Variants in RXFP1 observed in about 807,000 individuals in gnomAD.
The protein encoded by RXFP1 is relaxin receptor 1.
Under a neutral mutation model 89.8 loss-of-function variants are expected in RXFP1, and 73 were observed. The observed-to-expected ratio is 0.81, with a 90% CI of 0.67 to 0.99. The LOEUF is 0.99. Ranked by LOEUF, RXFP1 falls within the 50% of genes least tolerant of loss-of-function variation. The pLI is 0.00. For synonymous variants in RXFP1, 277 were observed against 305.5 expected (o/e 0.91, Z 0.97); for missense variants, 793 against 895.5 (o/e 0.89, Z 1.46).
chr4:158,564,220 T>C (rs1753097416), intron 1 of RXFP1, among the ~76,000 whole-genome samples: 3 of 152,162 alleles, frequency 2.0e-5, no homozygotes, highest in African/African-American at 4.8e-5. Flanking sequence ...TATGTTTTCA[T>C]ATTTTACCCC....
At chr4:158,574,982 C>T (rs1315229186) in intron 2 of RXFP1, among the ~76,000 whole-genome samples, 3 of 152,098 alleles carry the variant, frequency 2.0e-5, no homozygotes, top group Non-Finnish European at 4.4e-5. Context: ...GTCAGTTCCC[C>T]GTCGACCTGC....
intron 1 of RXFP1, among the ~76,000 whole-genome samples, chr4:158,572,224 A>G (rs996896853): frequency 2.0e-5 from 3 of 151,656 alleles, no homozygotes; most frequent in African/African-American, 7.3e-5. Flanking sequence ...TCCTTAACCT[A>G]CTCCACGTGT....
intron 9 of RXFP1, among the ~76,000 whole-genome samples, chr4:158,626,375 A>G (rs184875480): frequency 3.3e-4 from 50 of 152,270 alleles, no homozygotes; most frequent in African/African-American, 1.2e-3. Flanking sequence ...TTGTTTTGGC[A>G]GCAGCAGCTT....
At chr4:158,587,852 AACATGATGGGT>A (rs1758594330) in intron 2 of RXFP1, among the ~76,000 whole-genome samples, 2 of 152,208 alleles carry the variant, frequency 1.3e-5, no homozygotes, top group African/African-American at 4.8e-5. Context: ...CACCTAGCAC[AACATGATGGGT>A]ACTTGCTAAA....
At chr4:158,642,505 G>A (rs961946167) in intron 14 of RXFP1, among the ~76,000 whole-genome samples, 2 of 152,018 alleles carry the variant, frequency 1.3e-5, no homozygotes, top group African/African-American at 4.8e-5. Flanking sequence ...CTGTAAGATC[G>A]ACATTTTTAG....
chr4:158,559,203 G>T (rs1579601682), intron 1 of RXFP1, among the ~76,000 whole-genome samples: 1 of 152,202 alleles, frequency 6.6e-6, no homozygotes, highest in African/African-American at 2.4e-5. Context: ...CACTTTGGGA[G>T]AACAAGGCAG....
chr4:158,619,018 A>C (rs1249810053), intron 9 of RXFP1, among the ~76,000 whole-genome samples: 1 of 152,158 alleles, frequency 6.6e-6, no homozygotes, highest in African/African-American at 2.4e-5. Flanking sequence ...AAAATATAGA[A>C]GACGATGGGA....
intron 1 of RXFP1, among the ~76,000 whole-genome samples, chr4:158,558,970 T>C (rs554855498): frequency 1.3e-5 from 2 of 152,352 alleles, no homozygotes; most frequent in Non-Finnish European, 1.5e-5. Context: ...GAAATCTCAC[T>C]CTTCATTTAA....
At chr4:158,619,765 G>A (rs1765255541) in intron 9 of RXFP1, among the ~76,000 whole-genome samples, 1 of 152,024 alleles carries the variant, frequency 6.6e-6, no homozygotes, top group Admixed American at 6.6e-5. Flanking sequence ...ACCAGGCAAA[G>A]GTCCATTACT....
intron 1 of RXFP1, among the ~76,000 whole-genome samples, chr4:158,537,985 A>G (rs1253969504): frequency 5.3e-5 from 8 of 152,180 alleles, no homozygotes; most frequent in Non-Finnish European, 7.3e-5. Context: ...GGAAAGAACA[A>G]TGCAGGCACT....
intron 9 of RXFP1, among the ~76,000 whole-genome samples, chr4:158,618,285 G>A (rs1463768791): frequency 6.6e-6 from 1 of 151,936 alleles, no homozygotes; most frequent in Non-Finnish European, 1.5e-5. Context: ...TACATAATTA[G>A]CAATTAAAAT....
Position 158,565,244 on chromosome 4 carries a change from T to C in RXFP1, c.50-7454T>C, listed in dbSNP as rs116650039. On this transcript the variant is annotated intron_variant, in intron 1 of 17. Transcript: ENST00000307765. ...GTCAGGAAAGGGAGTAACAGATATG[T>C]AAAGGGAGAAAATTAGACTGAGCCT... 6.5e-3 allele frequency among the ~76,000 whole-genome samples: 983 copies of C among 152,252 alleles called. 7 individuals are homozygous for C. The highest frequency in any genetic ancestry group is 0.011 in the Non-Finnish European group (747 of 68,008).
At chr4:158,563,910 TATAAC>T (rs1016998535) in intron 1 of RXFP1, among the ~76,000 whole-genome samples, 8 of 148,350 alleles carry the variant, frequency 5.4e-5, no homozygotes, top group African/African-American at 1.5e-4. Flanking sequence ...ATATTATATA[TATAAC>T]ATAACATAAT....
At chr4:158,546,368 T>C (rs1258738533) in intron 1 of RXFP1, among the ~76,000 whole-genome samples, 1 of 152,188 alleles carries the variant, frequency 6.6e-6, no homozygotes, top group Non-Finnish European at 1.5e-5. Context: ...AATGGGGTTT[T>C]CTAGGTATAT....
At chr4:158,607,060 A>C (rs779626803) in intron 5 of RXFP1, 1 of 1,535,858 alleles carries the variant, frequency 6.5e-7, no homozygotes, top group South Asian at 1.2e-5. Flanking sequence ...CACTCTAAAG[A>C]ACAATGGTGA....
At chr4:158,606,122 T>C (rs1323764954) in intron 5 of RXFP1, among the ~76,000 whole-genome samples, 1 of 152,218 alleles carries the variant, frequency 6.6e-6, no homozygotes, top group Non-Finnish European at 1.5e-5. Context: ...CTTTTCACAA[T>C]TAGGCCTGAC....
chr4:158,560,233 TG>T (rs1752154344), intron 1 of RXFP1, among the ~76,000 whole-genome samples: 1 of 152,214 alleles, frequency 6.6e-6, no homozygotes, highest in South Asian at 2.1e-4. Context: ...ACATTTCTCT[TG>T]GGGCTTCCAG....
intron 1 of RXFP1, chr4:158,544,199 G>A (rs1272577284): frequency 1.9e-5 from 19 of 985,186 alleles, no homozygotes; most frequent in Non-Finnish European, 2.2e-5. Flanking sequence ...GCAAGTCTGA[G>A]TTTATAAAGC....
chr4:158,536,417 G>A (rs1479846911), intron 1 of RXFP1, among the ~76,000 whole-genome samples: 1 of 152,142 alleles, frequency 6.6e-6, no homozygotes, highest in Non-Finnish European at 1.5e-5. Context: ...AAAGTTTAAG[G>A]TGTATTATGG....
Sources: allele counts gnomAD v4.1 joint callset (sites outside exome capture counted in the v4.1 genomes callset), GRCh38; gene constraint gnomAD v4.1.1; transcripts MANE v1.5; gene names NCBI Gene and HGNC (gene_info 2026-07-23, HGNC 2026-07-21).